GRM5: variants seen among roughly 807,000 people sequenced by gnomAD.
The protein encoded by GRM5 is metabotropic glutamate receptor 5.
A neutral mutation model predicts 83.1 loss-of-function variants in GRM5; 19 were observed. The ratio of observed to expected loss-of-function variants is 0.23; its 90% CI spans 0.16 to 0.34. GRM5 has a LOEUF of 0.34. Ranked by LOEUF, GRM5 falls within the 10% of genes least tolerant of loss-of-function variation. The pLI is 1.00. For missense variants in GRM5, 1,160 were observed against 1,588.3 expected (o/e 0.73, Z 4.58); for synonymous variants, 675 against 633.6 (o/e 1.07, Z -0.98).
At chr11:88,871,438 A>G (rs1017093775) in intron 2 of GRM5, among the ~76,000 whole-genome samples, 3 of 151,614 alleles carry the variant, frequency 2.0e-5, no homozygotes, top group Non-Finnish European at 4.4e-5. Context: ...AAGGTGCCCT[A>G]TAGTGTTAAA....
chr11:88,653,098 C>A, intron 4 of GRM5, 70 bp downstream of exon 4: 2 of 928,438 alleles, frequency 2.2e-6, no homozygotes, highest in Non-Finnish European at 3.5e-6. Context: ...GCCACTATCC[C>A]CATGACATGG....
chr11:88,973,306 G>A (rs1184590471), intron 2 of GRM5, among the ~76,000 whole-genome samples: 2 of 152,058 alleles, frequency 1.3e-5, no homozygotes, highest in Non-Finnish European at 2.9e-5. Context: ...AAGGTATCAG[G>A]TTCTGAAACC....
intron 8 of GRM5, among the ~76,000 whole-genome samples, chr11:88,527,810 T>C (rs1211744988): frequency 1.3e-5 from 2 of 152,076 alleles, no homozygotes. Context: ...CAGGAGGGCA[T>C]TATCCTAACC....
chr11:89,045,233 T>C (rs1941617566), intron 2 of GRM5, among the ~76,000 whole-genome samples: 2 of 152,174 alleles, frequency 1.3e-5, no homozygotes, highest in Non-Finnish European at 2.9e-5. Flanking sequence ...AATGTTTTCA[T>C]GTAATTGTTA....
At chr11:88,526,660 TATAAA>T (rs1475705715) in intron 8 of GRM5, among the ~76,000 whole-genome samples, 9 of 152,116 alleles carry the variant, frequency 5.9e-5, no homozygotes, top group South Asian at 4.1e-4. Context: ...TCAAAAGTAG[TATAAA>T]ATAAAATAAA....
chr11:89,018,481 T>G (rs965450633), intron 2 of GRM5, among the ~76,000 whole-genome samples: 1 of 152,252 alleles, frequency 6.6e-6, no homozygotes, highest in African/African-American at 2.4e-5. Context: ...AAAAAATGCA[T>G]TTATTTGTTC....
chr11:88,751,541 T>C (rs1206047457), intron 3 of GRM5, among the ~76,000 whole-genome samples: 1 of 152,162 alleles, frequency 6.6e-6, no homozygotes, highest in East Asian at 1.9e-4. Flanking sequence ...GAAGAGCTGG[T>C]ACTATTTCTA....
intron 2 of GRM5, among the ~76,000 whole-genome samples, chr11:88,860,672 G>C (rs1473858549): frequency 1.3e-5 from 2 of 152,254 alleles, no homozygotes; most frequent in Non-Finnish European, 2.9e-5. Flanking sequence ...GTGCTGTCTG[G>C]GTTCTGTTGT....
At chr11:88,961,482 A>G (rs1254430396) in intron 2 of GRM5, among the ~76,000 whole-genome samples, 1 of 152,022 alleles carries the variant, frequency 6.6e-6, no homozygotes. Context: ...TCCTTGGGCC[A>G]TTCATTCAAA....
intron 3 of GRM5, among the ~76,000 whole-genome samples, chr11:88,701,024 T>G (rs1029613769): frequency 6.6e-6 from 1 of 152,164 alleles, no homozygotes; most frequent in African/African-American, 2.4e-5. Flanking sequence ...GGGTTTTCTG[T>G]GCTTTTCATC....
At chr11:88,806,981 T>G (rs1022286310) in intron 3 of GRM5, among the ~76,000 whole-genome samples, 2 of 152,214 alleles carry the variant, frequency 1.3e-5, no homozygotes, top group African/African-American at 4.8e-5. Flanking sequence ...TTGCTTCTTC[T>G]GTGAAGTCTT....
chr11:88,513,543 T>C (rs1941439857), intron 9 of GRM5, among the ~76,000 whole-genome samples: 1 of 152,174 alleles, frequency 6.6e-6, no homozygotes, highest in Non-Finnish European at 1.5e-5. Context: ...ATACAAAGCT[T>C]GATATCTGCC....
intron 7 of GRM5, among the ~76,000 whole-genome samples, chr11:88,569,125 C>G (rs892772003): frequency 1.3e-5 from 2 of 152,112 alleles, no homozygotes; most frequent in African/African-American, 4.8e-5. Context: ...ATCCTGAGAC[C>G]TGGGTGTCCC....
At chr11:88,577,838 T>C (rs950704617) in intron 7 of GRM5, among the ~76,000 whole-genome samples, 1 of 152,088 alleles carries the variant, frequency 6.6e-6, no homozygotes, top group Admixed American at 6.6e-5. Context: ...TTACAATGTC[T>C]TTGGGAATTA....
chr11:88,945,421 A>T (rs1440901203), intron 2 of GRM5, among the ~76,000 whole-genome samples: 1 of 152,084 alleles, frequency 6.6e-6, no homozygotes, highest in African/African-American at 2.4e-5. Context: ...ACAAAAAAAG[A>T]GCCTGAATAC....
intron 3 of GRM5, among the ~76,000 whole-genome samples, chr11:88,692,938 ACTGT>A (rs1052345706): frequency 2.6e-5 from 4 of 152,188 alleles, no homozygotes; most frequent in African/African-American, 7.2e-5. Flanking sequence ...TAACTGGCTC[ACTGT>A]CAGTCAGAAG....
intron 3 of GRM5, among the ~76,000 whole-genome samples, chr11:88,788,477 A>G (rs888728633): frequency 6.6e-6 from 1 of 152,158 alleles, no homozygotes; most frequent in Non-Finnish European, 1.5e-5. Flanking sequence ...AGCAGATCAT[A>G]TTGTTATCCA....
intron 7 of GRM5, among the ~76,000 whole-genome samples, chr11:88,586,906 A>C (rs1943326508): frequency 6.6e-6 from 1 of 152,160 alleles, no homozygotes; most frequent in Admixed American, 6.6e-5. Context: ...CTGTCTATAT[A>C]GGATAAATTC....
At chr11:88,578,716 AC>A (rs1259393848) in intron 7 of GRM5, among the ~76,000 whole-genome samples, 1 of 152,162 alleles carries the variant, frequency 6.6e-6, no homozygotes, top group Non-Finnish European at 1.5e-5. Flanking sequence ...AAGTTAATGA[AC>A]GTTGAGAAAT....
Sources: allele counts gnomAD v4.1 joint callset (sites outside exome capture counted in the v4.1 genomes callset), GRCh38; gene constraint gnomAD v4.1.1; transcripts MANE v1.5; gene names NCBI Gene and HGNC (gene_info 2026-07-23, HGNC 2026-07-21).